The following MAP2K3 variants were observed in gnomAD, a reference collection of about 807,000 sequenced individuals.
The protein encoded by MAP2K3 is mitogen-activated protein kinase kinase 3.
Under a neutral mutation model 46.4 loss-of-function variants are expected in MAP2K3, and 30 were observed. The ratio of observed to expected loss-of-function variants is 0.65; its 90% CI spans 0.48 to 0.88. The LOEUF (loss-of-function observed/expected upper bound fraction) is 0.88. MAP2K3 is among the 40% of genes least tolerant of loss of function. MAP2K3 has a pLI of 0.00. For missense variants in MAP2K3, 380 were observed against 464.5 expected (o/e 0.82, Z 1.67); for synonymous variants, 189 against 176.3 (o/e 1.07, Z -0.57).
intron 1 of MAP2K3, among the ~76,000 whole-genome samples, chr17:21,297,124 G>A (rs1301022822): frequency 2.0e-5 from 3 of 152,304 alleles, no homozygotes; most frequent in Non-Finnish European, 4.4e-5. Context: ...TGTCTTCCCA[G>A]TAGCGGTAAC....
intron 1 of MAP2K3, among the ~76,000 whole-genome samples, chr17:21,293,610 A>T (rs1644428837): frequency 1.3e-5 from 2 of 152,310 alleles, no homozygotes; most frequent in Admixed American, 1.3e-4. Context: ...AAGTCCCTGT[A>T]GGGTAGAGAG....
At chr17:21,301,592 C>T (rs1410703700) in intron 5 of MAP2K3, among the ~76,000 whole-genome samples, 1 of 152,310 alleles carries the variant, frequency 6.6e-6, no homozygotes, top group Admixed American at 6.5e-5. Context: ...GCTGCTTCAC[C>T]TGTCCTCACT....
intron 1 of MAP2K3, among the ~76,000 whole-genome samples, chr17:21,295,156 C>A (rs112570208): frequency 5.3e-5 from 8 of 152,184 alleles, no homozygotes; most frequent in African/African-American, 1.2e-4. Context: ...GAAGGCCCTG[C>A]GGTGGGAAAG....
At position 21,313,390 on chromosome 17, in the gene MAP2K3, C is replaced by T. The variant is rs528201954; in HGVS notation, c.915-102C>T. 127 of 919,846 alleles carry T rather than the reference C, an allele frequency of 1.4e-4. 1 individual carries two copies. In the African/African-American group the frequency reaches 1.8e-3, roughly 13 times the overall value. 57.0% of individuals were successfully genotyped at this position (919,846 alleles called of 1,614,324 possible). On this transcript the variant is annotated intron_variant, in intron 10 of 11. Coordinates refer to ENST00000342679, the MANE Select transcript of MAP2K3 (RefSeq NM_145109.3). ...CCTTCTTCCCTGGGTGCACGTGTCC[C>T]CTGCTGCTAGGCCTGGGGCAATCCT...
intron 1 of MAP2K3, chr17:21,296,352 G>A (rs2144528035): frequency 2.2e-6 from 1 of 463,720 alleles, no homozygotes; most frequent in Non-Finnish European, 3.7e-6. Context: ...CAGAGACTTT[G>A]GCCCAGAGGC....
In MAP2K3 at chr17:21,304,360, C is replaced by T; in HGVS notation, c.569-66C>T. ...GGCGAGGGAGGGGGGCACAGCTATG[C>T]AGAGCATGGCACCTGCCTCCAGTCG... On this transcript the variant is annotated intron_variant, in intron 7 of 11. Transcript: ENST00000342679. 6 of 1,612,986 alleles carry T rather than the reference C, an allele frequency of 3.7e-6. No homozygotes were observed. In the Admixed American group the frequency reaches 5.0e-5, roughly 13 times the overall value.
chr17:21,311,085 G>A (rs1005304977), intron 9 of MAP2K3, among the ~76,000 whole-genome samples: 1 of 152,158 alleles, frequency 6.6e-6, no homozygotes, highest in African/African-American at 2.4e-5. Flanking sequence ...GGCCCTGCCT[G>A]TGTGGGTGTG....
intron 1 of MAP2K3, among the ~76,000 whole-genome samples, chr17:21,286,071 T>C (rs1291367256): frequency 6.6e-6 from 1 of 152,202 alleles, no homozygotes; most frequent in East Asian, 1.9e-4. Context: ...TCTCTGGGCC[T>C]CAGTTTCCTT....
In MAP2K3 at chr17:21,291,507, C is replaced by T. The variant is rs774567929; in HGVS notation, c.49+6538C>T. 1.3e-4 allele frequency: 59 copies of T among 456,504 alleles called. 1 individual carries two copies. Among genetic ancestry groups the T allele is most frequent in the South Asian group, 7.1e-4 (46 of 64,576 alleles). The allele number at this position is 456,504 out of a possible 1,614,324, so 28.3% of individuals were successfully genotyped here. On this transcript the variant is annotated intron_variant, in intron 1 of 11. Coordinates refer to ENST00000342679, the MANE Select transcript of MAP2K3 (RefSeq NM_145109.3). ...CCTTGCTGACCTCGAGCCGGGCCCA[C>T]GTGGGGACCTTTGGAGCACAGCCTA...
intron 7 of MAP2K3, among the ~76,000 whole-genome samples, chr17:21,304,195 G>A (rs1285942133): frequency 2.6e-5 from 4 of 152,310 alleles, no homozygotes; most frequent in Non-Finnish European, 5.9e-5. Context: ...GGCTGGGCAC[G>A]TCCTGGCTGT....
In MAP2K3 at chr17:21,312,229, C is replaced by T. The variant is rs1254789558; in HGVS notation, c.862C>T (p.Gln288Ter). 1 of 1,604,484 alleles carries T rather than the reference C, an allele frequency of 6.2e-7. No individual in the cohort carries two copies. The highest frequency in any genetic ancestry group is 1.7e-5 in the Admixed American group (1 of 57,808). Residue 288 changes from glutamine to a stop codon, truncating the protein, a stop_gained, in exon 10 of 12, where the codon CAG becomes TAG. Transcript: ENST00000342679. LOFTEE classifies it high-confidence loss of function. ...GCAGGTGGTGGAGGAGCCGTCCCCC[C>T]AGCTCCCAGCCGACCGTTTCTCCCC... Reference protein sequence around the residue: ...LKQVVEEPSPQLPADRFSPEF... With the variant: ...LKQVVEEPSP
rs528867147 is a variant in MAP2K3, at chr17:21,298,599, C to T, written c.116+120C>T. ...CTTTACCTCGTCCTGTCCTGGGCAG[C>T]CCCTGCTGTGCATACAGCCAGGTGA... On this transcript the variant is annotated intron_variant, in intron 2 of 11. Transcript: ENST00000342679. The T allele has an allele frequency of 2.0e-6, 3 of 1,505,674 alleles. No individual in the cohort carries two copies. In the African/African-American group the frequency reaches 4.1e-5, roughly 21 times the overall value. The allele number at this position is 1,505,674 out of a possible 1,614,324, so 93.3% of individuals were successfully genotyped here. A position where few individuals can be genotyped will look rare whatever the true frequency, so the allele number is the denominator to read the frequency against.
intron 1 of MAP2K3, among the ~76,000 whole-genome samples, chr17:21,297,850 G>A (rs1024741792): frequency 7.9e-4 from 7 of 8,834 alleles, no homozygotes; most frequent in African/African-American, 2.7e-3. Flanking sequence ...CGGGCATCGG[G>A]TGTCGGCCTC....
At chr17:21,291,644 C>G (rs1381489014) in intron 1 of MAP2K3, 1 of 453,896 alleles carries the variant, frequency 2.2e-6, no homozygotes, top group Non-Finnish European at 4.4e-6. Flanking sequence ...ATGGGGCCTG[C>G]CCCACAGTGT....
At chr17:21,303,846 C>T (rs925920285) in intron 7 of MAP2K3, among the ~76,000 whole-genome samples, 1 of 152,312 alleles carries the variant, frequency 6.6e-6, no homozygotes, top group East Asian at 1.9e-4. Flanking sequence ...ATCCCAGCCC[C>T]CCAGGTCACT....
At chr17:21,289,808 T>G (rs747228450) in intron 1 of MAP2K3, among the ~76,000 whole-genome samples, 14 of 152,326 alleles carry the variant, frequency 9.2e-5, no homozygotes, top group Non-Finnish European at 1.9e-4. Context: ...GGCCCCAGAC[T>G]TTCTTCCCCT....
chr17:21,295,953 C>T, intron 1 of MAP2K3: 1 of 1,251,470 alleles, frequency 8.0e-7, no homozygotes, highest in South Asian at 1.3e-5. Context: ...GGTCAAGGCC[C>T]AGGGTCTCTG....
At chr17:21,302,447 TAGG>T (rs1414947102) in intron 6 of MAP2K3, among the ~76,000 whole-genome samples, 188 bp downstream of exon 6, 10 of 152,422 alleles carry the variant, frequency 6.6e-5, no homozygotes, top group Admixed American at 6.5e-4. Context: ...CCTTTGTGCT[TAGG>T]AGACCTCCGC....
At chr17:21,310,499 G>A (rs1405734637) in intron 9 of MAP2K3, among the ~76,000 whole-genome samples, 5 of 152,236 alleles carry the variant, frequency 3.3e-5, no homozygotes, top group Non-Finnish European at 7.3e-5. Context: ...GTCCCCCTGG[G>A]TGGGGCTCTG....
Sources: gnomAD v4.1 joint callset for allele counts (sites outside exome capture counted in the v4.1 genomes callset) on GRCh38, gnomAD v4.1.1 for gene constraint, MANE v1.5 for transcripts, NCBI Gene and HGNC (gene_info 2026-07-23, HGNC 2026-07-21) for gene names.